Variants in CADM2 observed in about 807,000 individuals in gnomAD.
The protein encoded by CADM2 is immunoglobulin superfamily member 4D.
In CADM2, 12 loss-of-function variants were observed where a neutral mutation model predicts 49.8. The ratio of observed to expected loss-of-function variants is 0.24; its 90% CI spans 0.15 to 0.39. The LOEUF is 0.39. Among genes scored for constraint, CADM2 ranks in the 10% least tolerant of loss-of-function variants. CADM2 has a pLI of 1.00. For synonymous variants in CADM2, 214 were observed against 175.4 expected, an observed-to-expected ratio of 1.22 and a Z score of -1.74; for missense variants, 378 against 492.3, an observed-to-expected ratio of 0.77 and a Z score of 2.20.
At chr3:85,760,328 G>T (rs2069312721) in intron 2 of CADM2, among the ~76,000 whole-genome samples, 1 of 145,368 alleles carries the variant, frequency 6.9e-6, no homozygotes, top group Non-Finnish European at 1.5e-5. Context: ...GTCCTTGAAA[G>T]ATGGATACTT....
chr3:85,542,839 G>C (rs1430467349), intron 1 of CADM2, among the ~76,000 whole-genome samples: 5 of 152,168 alleles, frequency 3.3e-5, no homozygotes, highest in African/African-American at 1.2e-4. Flanking sequence ...AACGTCAAGA[G>C]TGGCAAATAT....
chr3:85,491,175 A>G (rs1464295172), intron 1 of CADM2, among the ~76,000 whole-genome samples: 1 of 152,180 alleles, frequency 6.6e-6, no homozygotes, highest in Non-Finnish European at 1.5e-5. Flanking sequence ...TATTTTGCTC[A>G]TTTTCAAAGC....
intron 1 of CADM2, among the ~76,000 whole-genome samples, chr3:85,291,881 T>C (rs1257718490): frequency 1.3e-5 from 2 of 150,246 alleles, no homozygotes; most frequent in Non-Finnish European, 3.0e-5. Flanking sequence ...CTGCATCAAC[T>C]AACGAGCAAA....
At chr3:85,544,983 T>C (rs1283067544) in intron 1 of CADM2, among the ~76,000 whole-genome samples, 1 of 152,094 alleles carries the variant, frequency 6.6e-6, no homozygotes. Flanking sequence ...GTCATCCAAC[T>C]CCCACCCAGA....
At chr3:85,851,395 A>G (rs1348728362) in intron 3 of CADM2, among the ~76,000 whole-genome samples, 3 of 152,040 alleles carry the variant, frequency 2.0e-5, no homozygotes, top group East Asian at 1.9e-4. Flanking sequence ...CTTTACAAAC[A>G]AGGGTGAAAG....
intron 6 of CADM2, among the ~76,000 whole-genome samples, chr3:85,927,379 C>T (rs955810285): frequency 2.0e-5 from 3 of 151,984 alleles, no homozygotes; most frequent in African/African-American, 4.8e-5. Context: ...TGAGTAGCAC[C>T]GTTTAAGACT....
intron 8 of CADM2, among the ~76,000 whole-genome samples, chr3:85,973,307 T>C (rs1422710596): frequency 1.3e-5 from 2 of 151,628 alleles, no homozygotes; most frequent in Non-Finnish European, 3.0e-5. Context: ...TTCAGAAATG[T>C]AGTGCACCAT....
intron 1 of CADM2, among the ~76,000 whole-genome samples, chr3:85,259,868 G>A (rs1297513527): frequency 6.6e-6 from 1 of 152,020 alleles, no homozygotes; most frequent in Non-Finnish European, 1.5e-5. Flanking sequence ...ACATGTAATT[G>A]TGTTTTGAGA....
intron 1 of CADM2, among the ~76,000 whole-genome samples, chr3:85,221,044 C>T (rs2042033420): frequency 6.6e-6 from 1 of 152,046 alleles, no homozygotes; most frequent in Non-Finnish European, 1.5e-5. Context: ...AGAATTAATG[C>T]CCAGAGTAAA....
intron 1 of CADM2, among the ~76,000 whole-genome samples, chr3:85,156,227 C>T (rs1179515548): frequency 1.3e-5 from 2 of 151,552 alleles, no homozygotes; most frequent in African/African-American, 4.9e-5. Flanking sequence ...AGACCACTAG[C>T]AAGACTAATA....
intron 2 of CADM2, among the ~76,000 whole-genome samples, chr3:85,793,975 T>C (rs1430841813): frequency 6.6e-6 from 1 of 152,164 alleles, no homozygotes; most frequent in Non-Finnish European, 1.5e-5. Flanking sequence ...ATTCAAAAAA[T>C]GTTAATTATA....
chr3:85,588,779 C>G (rs1051475338), intron 1 of CADM2, among the ~76,000 whole-genome samples: 2 of 152,072 alleles, frequency 1.3e-5, no homozygotes, highest in East Asian at 3.9e-4. Flanking sequence ...TCAGGGCAGA[C>G]ACTCTGGTAG....
chr3:85,936,505 A>G (rs1262744427), intron 7 of CADM2, among the ~76,000 whole-genome samples: 1 of 151,866 alleles, frequency 6.6e-6, no homozygotes, highest in East Asian at 1.9e-4. Flanking sequence ...GATTATTTAA[A>G]TTCTATTTGA....
At chr3:85,409,618 T>A (rs2035565310) in intron 1 of CADM2, among the ~76,000 whole-genome samples, 1 of 152,096 alleles carries the variant, frequency 6.6e-6, no homozygotes, top group African/African-American at 2.4e-5. Flanking sequence ...AAAGGGCTAA[T>A]TTTGAAAGCG....
intron 3 of CADM2, among the ~76,000 whole-genome samples, chr3:85,876,192 G>T (rs1055425238): frequency 1.1e-4 from 16 of 152,256 alleles, no homozygotes; most frequent in African/African-American, 3.4e-4. Flanking sequence ...TATACATTGA[G>T]AATTACATAG....
At chr3:85,775,366 C>G (rs1461564331) in intron 2 of CADM2, among the ~76,000 whole-genome samples, 1 of 151,620 alleles carries the variant, frequency 6.6e-6, no homozygotes, top group African/African-American at 2.4e-5. Flanking sequence ...AATAATATTA[C>G]TACTGATATC....
chr3:85,467,850 A>G (rs73142718), intron 1 of CADM2, among the ~76,000 whole-genome samples: 32,385 of 152,090 alleles, frequency 0.21, 4,018 homozygotes, highest in East Asian at 0.31. Flanking sequence ...CTGAAATAAG[A>G]CAGTTTCATT....
intron 1 of CADM2, among the ~76,000 whole-genome samples, chr3:85,395,040 T>C (rs1341200202): frequency 2.0e-5 from 3 of 152,006 alleles, no homozygotes; most frequent in African/African-American, 7.2e-5. Context: ...TATTTTTTAA[T>C]AATGAAATCT....
At position 85,949,987 on chromosome 3, in the gene CADM2, C is replaced by T. The variant is rs116430640; in HGVS notation, c.792-11482C>T. On this transcript the variant is annotated intron_variant, in intron 7 of 9. Coordinates refer to ENST00000383699, the MANE Select transcript of CADM2 (RefSeq NM_001167675.2). ...AGTGTCACATTGTTCTTATGATGTA[C>T]GCAGGTTGATAAAATGGAAGATTCT... is the stretch of plus-strand genomic sequence containing the variant. Among the ~76,000 whole-genome samples, 235 of 150,982 alleles carry T rather than the reference C, an allele frequency of 1.6e-3. 1 individual carries two copies. The highest frequency in any genetic ancestry group is 5.3e-3 in the African/African-American group (219 of 41,344).
Sources: gnomAD v4.1 joint callset for allele counts (sites outside exome capture counted in the v4.1 genomes callset) on GRCh38, gnomAD v4.1.1 for gene constraint, MANE v1.5 for transcripts, NCBI Gene and HGNC (gene_info 2026-07-23, HGNC 2026-07-21) for gene names.